Variants in SHCBP1 observed in about 807,000 individuals in gnomAD.
SHCBP1 encodes SHC binding and spindle associated 1, also known as SHC SH2 domain-binding protein 1.
SHCBP1 carries 60 observed loss-of-function variants against 75.1 expected under a neutral mutation model. That is an observed-to-expected ratio of 0.80 (90% CI 0.65 to 0.99). SHCBP1 has a LOEUF of 0.99. SHCBP1 is among the 50% of genes least tolerant of loss of function. SHCBP1 has a pLI of 0.00. For synonymous variants in SHCBP1, 290 were observed against 293.2 expected (o/e 0.99, Z 0.11); for missense variants, 709 against 809.4 (o/e 0.88, Z 1.50).
intron 5 of SHCBP1, among the ~76,000 whole-genome samples, chr16:46,606,899 C>T (rs1965334167): frequency 6.6e-6 from 1 of 151,792 alleles, no homozygotes; most frequent in African/African-American, 2.4e-5. Context: ...CAGCTCATTG[C>T]AGCTTCAAAC....
intron 4 of SHCBP1, among the ~76,000 whole-genome samples, chr16:46,611,991 G>C (rs542666406): frequency 5.3e-5 from 8 of 152,334 alleles, no homozygotes; most frequent in Non-Finnish European, 1.5e-5. Context: ...TGATTCCAAA[G>C]TGGTTCCAAG....
At position 46,616,089 on chromosome 16, in the gene SHCBP1, G is replaced by GT; in HGVS notation, c.452dup (p.Asp151GlufsTer17). ...CCATGGTAAAAGTGCTCACTTGAGA[G>GT]TCACAGAGGTATGGTTCAGCAAGCC... On this transcript the variant is annotated frameshift_variant, in exon 4 of 13. Coordinates refer to ENST00000303383, the MANE Select transcript of SHCBP1 (RefSeq NM_024745.5). LOFTEE classifies it high-confidence loss of function. The surrounding 1 kb of genome is among the most constrained non-coding windows in gnomAD (Gnocchi z 4.4). 6.2e-7 allele frequency: 1 copy of GT among 1,614,222 alleles called. No homozygotes were observed. Among genetic ancestry groups the GT allele is most frequent in the Non-Finnish European group, 8.5e-7 (1 of 1,180,042 alleles).
chr16:46,620,125 GAATT>G (rs1484847516), intron 1 of SHCBP1, among the ~76,000 whole-genome samples: 1 of 152,196 alleles, frequency 6.6e-6, no homozygotes, highest in African/African-American at 2.4e-5. Context: ...ACAGTAAAGT[GAATT>G]AATATTTCCA....
intron 4 of SHCBP1, among the ~76,000 whole-genome samples, chr16:46,612,102 G>C (rs1258678501): frequency 6.6e-6 from 1 of 152,212 alleles, no homozygotes; most frequent in African/African-American, 2.4e-5. Flanking sequence ...CAAGATGACT[G>C]AGAAAGCAAG....
intron 12 of SHCBP1, 148 bp from the exon 13 acceptor site, chr16:46,582,202 C>T (rs1964883359): frequency 1.3e-6 from 1 of 742,556 alleles, no homozygotes; most frequent in Non-Finnish European, 2.2e-6. Flanking sequence ...CAATTTTGAA[C>T]TCTTCCTTTA....
intron 4 of SHCBP1, among the ~76,000 whole-genome samples, chr16:46,614,153 G>T (rs1965460280): frequency 6.6e-6 from 1 of 151,934 alleles, no homozygotes; most frequent in African/African-American, 2.4e-5. Flanking sequence ...GATTCATTCT[G>T]CTTGGCCCAA....
chr16:46,593,250 G>A (rs890063837), intron 10 of SHCBP1, among the ~76,000 whole-genome samples: 1 of 151,958 alleles, frequency 6.6e-6, no homozygotes, highest in Admixed American at 6.6e-5. Flanking sequence ...TATAAGTGTG[G>A]TTCAACAAAG....
intron 4 of SHCBP1, among the ~76,000 whole-genome samples, chr16:46,613,101 T>C (rs1965444898): frequency 2.0e-5 from 3 of 152,176 alleles, no homozygotes; most frequent in Non-Finnish European, 4.4e-5. Flanking sequence ...GAGGACTGCT[T>C]GAGCCCAGGA....
At chr16:46,596,378 G>C (rs1410913576) in intron 9 of SHCBP1, among the ~76,000 whole-genome samples, 1 of 151,768 alleles carries the variant, frequency 6.6e-6, no homozygotes, top group Non-Finnish European at 1.5e-5. Flanking sequence ...GTGGTGGTGG[G>C]CACCTGTAAT....
intron 10 of SHCBP1, among the ~76,000 whole-genome samples, chr16:46,586,927 C>A (rs993230922): frequency 7.3e-5 from 11 of 151,348 alleles, no homozygotes; most frequent in Non-Finnish European, 1.5e-4. Flanking sequence ...CACCAGCAGA[C>A]GTATCTTCAT....
intron 4 of SHCBP1, among the ~76,000 whole-genome samples, chr16:46,612,012 G>A (rs1005258878): frequency 6.6e-6 from 1 of 152,154 alleles, no homozygotes; most frequent in Non-Finnish European, 1.5e-5. Flanking sequence ...GTTGATTAGG[G>A]AAAAAACAGT....
At position 46,584,021 on chromosome 16, in the gene SHCBP1, C is replaced by T. The variant is rs139350193; in HGVS notation, c.1533G>A (p.Lys511=). The part of the protein sequence containing the change: ...TLSDNGIHHC[K]EGILIKDFLD... ...TGCTCACCTTAATGAGGATCCCTTC[C>T]TTGCAGTGATGGATCCCATTGTCAC... Residue 511 remains lysine (K), a synonymous_variant, in exon 11 of 13, where the codon AAG becomes AAA. Transcript: ENST00000303383. The T allele has an allele frequency of 4.8e-4, 766 of 1,607,180 alleles. 1 individual carries two copies. The highest frequency in any genetic ancestry group is 6.2e-4 in the Non-Finnish European group (727 of 1,176,496).
In SHCBP1 at chr16:46,581,756, T is replaced by C. The variant is rs772537050; in HGVS notation, c.1992A>G (p.Lys664=). ...IVGNQFKWNG[K]GSFGTFLF is the part of the protein sequence containing the mutation. ...AGAAAAGAAATGTGCCAAAACTACC[T>C]TTCCCATTCCACTTGAACTGGTTCC... is the stretch of plus-strand genomic sequence containing the variant. The change falls in exon 13 of 13, where the codon AAA becomes AAG. Residue 664 remains lysine (K), a synonymous_variant. Coordinates refer to ENST00000303383, the MANE Select transcript of SHCBP1 (RefSeq NM_024745.5). The C allele has an allele frequency of 1.5e-5, 25 of 1,613,712 alleles. No individual in the cohort carries two copies. The Admixed American group carries it at 3.2e-4, about 20-fold the overall frequency.
intron 11 of SHCBP1, 29 bp downstream of exon 11, chr16:46,583,974 G>A: frequency 1.3e-6 from 2 of 1,561,876 alleles, no homozygotes; most frequent in Non-Finnish European, 1.7e-6. Context: ...TCTATCCATT[G>A]AAAAGTGGGT....
chr16:46,608,166 AG>A, intron 5 of SHCBP1, 130 bp downstream of exon 5: 1 of 613,528 alleles, frequency 1.6e-6, no homozygotes, highest in Non-Finnish European at 2.9e-6. Flanking sequence ...GATCCTGGAA[AG>A]AAAATCAGAG....
intron 2 of SHCBP1, 115 bp downstream of exon 2, chr16:46,618,090 C>G: frequency 2.0e-6 from 2 of 1,008,382 alleles, no homozygotes; most frequent in South Asian, 3.6e-5. Flanking sequence ...GCAGGAGAAT[C>G]ACCTGAACCT....
intron 7 of SHCBP1, 26 bp from the exon 8 acceptor site, chr16:46,603,685 T>C: frequency 6.2e-7 from 1 of 1,613,286 alleles, no homozygotes; most frequent in Non-Finnish European, 8.5e-7. Context: ...AACACATTTG[T>C]AAATATACAC....
intron 10 of SHCBP1, among the ~76,000 whole-genome samples, chr16:46,593,155 G>T (rs1192976836): frequency 6.6e-6 from 1 of 150,958 alleles, no homozygotes; most frequent in Non-Finnish European, 1.5e-5. Context: ...ATAAAGATTA[G>T]AAAAGAAAAA....
At chr16:46,588,237 C>A (rs967091991) in intron 10 of SHCBP1, among the ~76,000 whole-genome samples, 1 of 152,018 alleles carries the variant, frequency 6.6e-6, no homozygotes, top group African/African-American at 2.4e-5. Context: ...AAAATTGACA[C>A]CCTAACATCA....
Sources: gnomAD v4.1 joint callset for allele counts (sites outside exome capture counted in the v4.1 genomes callset) on GRCh38, gnomAD v4.1.1 for gene constraint, Gnocchi (gnomAD v3.1) non-coding constraint, MANE v1.5 for transcripts, NCBI Gene and HGNC (gene_info 2026-07-23, HGNC 2026-07-21) for gene names.